Variants in PLEC observed in about 807,000 individuals in gnomAD.
PLEC encodes hemidesmosomal protein 1.
In PLEC, 216 loss-of-function variants were observed where a neutral mutation model predicts 392.8. That is an observed-to-expected ratio of 0.55 (90% CI 0.49 to 0.62). The LOEUF is 0.62. Among genes scored for constraint, PLEC ranks in the 20% least tolerant of loss-of-function variants. PLEC has a pLI of 0.00. For synonymous variants in PLEC, 3,621 were observed against 2,980.6 expected (o/e 1.21, Z -7.00); for missense variants, 6,863 against 6,563.4 (o/e 1.05, Z -1.58).
At chr8:143,945,030 C>T (rs190756849) in intron 1 of PLEC, among the ~76,000 whole-genome samples, 23 of 152,136 alleles carry the variant, frequency 1.5e-4, no homozygotes, top group African/African-American at 4.3e-4. Context: ...TGCGGGCTCA[C>T]GTCCCTGCAG....
chr8:143,920,217 C>T lies in PLEC; in HGVS notation c.9604G>A (p.Asp3202Asn), dbSNP rs782598101. The change falls in exon 32 of 32, where the codon GAC becomes AAC. Residue 3202 changes from aspartate to asparagine, a missense_variant. Asp to Asn is a conservative substitution (Grantham distance 23). Transcript: ENST00000345136. ...AGCAGGCTCAGCCCGGTCAGCTGGT[C>T]GGGCCGGCACCGCTGCTGGAGCTCG... ...YGELQQRCRP[D>N]QLTGLSLLPL... The T allele has an allele frequency of 6.2e-5, 99 of 1,606,516 alleles. No individual in the cohort carries two copies. The highest frequency in any genetic ancestry group is 2.8e-4 in the Admixed American group (17 of 59,836).
rs202241157 is a variant in PLEC at position 143,920,976 on chromosome 8, G to A, written c.8845C>T (p.Arg2949Trp). The A allele has an allele frequency of 4.3e-4, 700 of 1,613,056 alleles. 1 individual carries two copies. Among genetic ancestry groups the A allele is most frequent in the Non-Finnish European group, 5.7e-4 (678 of 1,180,014 alleles). ...TTGATGATCTTCTCCACTGTGATCC[G>A]GCCCGTGCGGAACTGCCGCAGCAGG... is the stretch of plus-strand genomic sequence containing the variant. ...RDLLRQFRTGRITVEKIIKII... is the reference protein window; with the variant it reads ...RDLLRQFRTGWITVEKIIKII... Residue 2949 changes from arginine to tryptophan, a missense_variant, in exon 32 of 32, where the codon CGG becomes TGG. By Grantham distance (101) the Arg-to-Trp change is moderately radical (BLOSUM62 -3). Coordinates refer to ENST00000345136, the MANE Select transcript of PLEC (RefSeq NM_201384.3).
chr8:143,952,762 A>AC (rs147218108), upstream of PLEC, among the ~76,000 whole-genome samples: 998 of 151,480 alleles, frequency 6.6e-3, 9 homozygotes, highest in African/African-American at 0.023. Context: ...GCCAGGACTG[A>AC]CCCCCGCTGG....
At position 143,919,640 on chromosome 8, in the gene PLEC, G is replaced by T; in HGVS notation, c.10181C>A (p.Ala3394Asp). The T allele has an allele frequency of 6.3e-7, 1 of 1,584,900 alleles. No homozygotes were observed. ...TAALLLEAQA[A>D]TGFLVDPVRN... ...CACGGGGTCCACCAGGAAGCCAGTG[G>T]CCGCCTGCGCCTCCAGCAGGAGCGC... Residue 3394 changes from alanine to aspartate, a missense_variant, in exon 32 of 32, where the codon GCC (alanine) becomes GAC (aspartate). Transcript: ENST00000345136.
chr8:143,925,497 G>T lies in PLEC; in HGVS notation c.4432C>A (p.Leu1478Met). The change falls in exon 31 of 32, where the codon CTG becomes ATG. Residue 1478 changes from leucine (L) to methionine (M), a missense_variant. Physicochemically the swap from Leu to Met is conservative, Grantham distance 15 (BLOSUM62 2). Transcript: ENST00000345136. The stretch of plus-strand genomic sequence containing the variant: ...TCAGCCTCCTCCGCCCGTGCACGCA[G>T]TGCCTGCAGCTCCCCCTCAGCCCCG... Reference protein sequence around the residue: ...RGGAEGELQALRARAEEAEAQ... With the variant: ...RGGAEGELQAMRARAEEAEAQ... The T allele has an allele frequency of 6.3e-7, 1 of 1,596,024 alleles. No homozygotes were observed. Among genetic ancestry groups the T allele is most frequent in the South Asian group, 1.1e-5 (1 of 90,884 alleles).
rs572992024 is a variant in PLEC, at chr8:143,961,352, C to A, written c.70+12051G>T. ...GTGATTCTCCTGCCTCAGCCTCCTG[C>A]GTAGCGGGGATTACAGGCGTGCACC... is the stretch of plus-strand genomic sequence containing the variant. On this transcript the variant is annotated intron_variant, in intron 1 of 31. Coordinates refer to the PLEC transcript ENST00000356346. Among the ~76,000 whole-genome samples the A allele has an allele frequency of 7.0e-4, 106 of 152,004 alleles. 1 individual carries two copies. The highest frequency in any genetic ancestry group is 1.0e-3 in the Non-Finnish European group (69 of 67,970).
chr8:143,973,476 G>C lies in PLEC; in HGVS notation c.-4C>G. On this transcript the variant is annotated 5_prime_UTR_variant, in exon 1 of 32. Transcript: ENST00000356346. The surrounding 1 kb of genome is among the most constrained non-coding windows in gnomAD (Gnocchi z 5.6). ...CGTCGGGCAGCGGGCCGGCCATGCC[G>C]GCGGGCGCGGGGCGCGGGGTGCAGC... The C allele has an allele frequency of 6.6e-7, 1 of 1,508,138 alleles. No homozygotes were observed. Among genetic ancestry groups the C allele is most frequent in the Non-Finnish European group, 8.9e-7 (1 of 1,127,700 alleles). The allele number at this position is 1,508,138 out of a possible 1,614,324, so 93.4% of individuals were successfully genotyped here. A position where few individuals can be genotyped will look rare whatever the true frequency, so the allele number is the denominator to read the frequency against.
rs1827197703 is a variant in PLEC at position 143,931,390 on chromosome 8, C to T, written c.2304+144G>A. ...AGCCCAGAACATCCTGCCTCATTCC[C>T]GCTTCGGCTGACCTCTACACCTCCC... is the stretch of plus-strand genomic sequence containing the variant. On this transcript the variant is annotated intron_variant, in intron 19 of 31. Coordinates refer to ENST00000345136, the MANE Select transcript of PLEC (RefSeq NM_201384.3). 7 of 712,230 alleles carry T rather than the reference C, an allele frequency of 9.8e-6. 2 individuals carry two copies. The highest frequency in any genetic ancestry group is 3.4e-5 in the African/African-American group (2 of 58,276). 44.1% of individuals were successfully genotyped at this position (712,230 alleles called of 1,614,324 possible).
At position 143,924,552 on chromosome 8, in the gene PLEC, C is replaced by T; in HGVS notation, c.5377G>A (p.Ala1793Thr). The T allele has an allele frequency of 1.3e-6, 2 of 1,544,428 alleles. No homozygotes were observed. Among genetic ancestry groups the T allele is most frequent in the Admixed American group, 1.9e-5 (1 of 52,802 alleles). Residue 1793 changes from alanine (A) to threonine (T), a missense_variant, in exon 31 of 32, where the codon GCC becomes ACC. By Grantham distance (58) the Ala-to-Thr change is moderately conservative (BLOSUM62 0). Transcript: ENST00000345136. ...EKSKQRLEAE[A>T]GRFRELAEEA... ...TCGGCCAGCTCGCGGAACCGGCCGG[C>T]CTCGGCCTCCAGCCTCTGCTTGGAC...
rs782158467 is a variant in PLEC at position 143,929,743 on chromosome 8, G to A, written c.2826C>T (p.Asp942=). 170 of 1,599,516 alleles carry A rather than the reference G, an allele frequency of 1.1e-4. No homozygotes were observed. The highest frequency in any genetic ancestry group is 2.2e-4 in the South Asian group (20 of 90,832). The change falls in exon 23 of 32, where the codon GAC becomes GAT. Residue 942 remains aspartate, a synonymous_variant. Coordinates refer to ENST00000345136, the MANE Select transcript of PLEC (RefSeq NM_201384.3). ...HYQAFLRDSQ[D]AGGFGPEDRL... is the part of the protein sequence containing the mutation. ...GGTCCTCGGGTCCGAAGCCGCCCGC[G>A]TCCTGGCTGTCCCGCAGGAAGGCCT... is the stretch of plus-strand genomic sequence containing the variant.
chr8:143,939,146 C>T (rs1473930292), intron 1 of PLEC, among the ~76,000 whole-genome samples: 3 of 152,212 alleles, frequency 2.0e-5, no homozygotes, highest in Admixed American at 6.5e-5. Context: ...CTTCCAGGCC[C>T]GACATCTGAC....
In PLEC at chr8:143,915,162, A is replaced by T. The variant is rs1192563893; in HGVS notation, c.*1015T>A. ...AGGCCGGAGGCACGGGAAGGTTGGA[A>T]TTGCTTTTATTGGGGGCGGATACCG... On this transcript the variant is annotated 3_prime_UTR_variant, in exon 32 of 32. Coordinates refer to ENST00000345136, the MANE Select transcript of PLEC (RefSeq NM_201384.3). 1 of 152,666 alleles carries T rather than the reference A, an allele frequency of 6.6e-6. No homozygotes were observed. The highest frequency in any genetic ancestry group is 1.5e-5 in the Non-Finnish European group (1 of 68,050). 9.5% of individuals were successfully genotyped at this position (152,666 alleles called of 1,614,324 possible).
chr8:143,973,377 A>ACAGG lies in PLEC; in HGVS notation c.70+22_70+25dup. 6.4e-7 allele frequency: 1 copy of ACAGG among 1,557,420 alleles called. No homozygotes were observed. Among genetic ancestry groups the ACAGG allele is most frequent in the Non-Finnish European group, 8.7e-7 (1 of 1,151,726 alleles). On this transcript the variant is annotated intron_variant, in intron 1 of 31. Coordinates refer to the PLEC transcript ENST00000356346. The surrounding 1 kb of genome is among the most constrained non-coding windows in gnomAD (Gnocchi z 5.6). Reference sequence around the variant, plus strand: ...CGGCTGGGCTGTCAGGAGCGGCCCGACAGGCAGCGGGACGGGGGGCCGTAC... The same window carrying ACAGG: ...CGGCTGGGCTGTCAGGAGCGGCCCGACAGGCAGGCAGCGGGACGGGGGGCCGTAC...
chr8:143,927,051 C>T lies in PLEC; in HGVS notation c.3871G>A (p.Ala1291Thr), dbSNP rs782708805. 6.8e-6 allele frequency: 11 copies of T among 1,612,034 alleles called. No homozygotes were observed. The South Asian group carries it at 1.1e-4, about 16-fold the overall frequency. ...DYELQLVTYK[A>T]QLEPVASPAK... ...GGGGAGGCCACCGGCTCAAGCTGCG[C>T]CTTGTACGTCACCAGCTGGAGTTCA... is the stretch of plus-strand genomic sequence containing the variant. Residue 1291 changes from alanine (A) to threonine (T), a missense_variant, in exon 29 of 32, where the codon GCG (alanine) becomes ACG (threonine). Coordinates refer to ENST00000345136, the MANE Select transcript of PLEC (RefSeq NM_201384.3).
chr8:143,923,130 G>A lies in PLEC; in HGVS notation c.6799C>T (p.Gln2267Ter). 6.2e-7 allele frequency: 1 copy of A among 1,603,860 alleles called. No individual in the cohort carries two copies. Among genetic ancestry groups the A allele is most frequent in the Non-Finnish European group, 8.5e-7 (1 of 1,179,852 alleles). The change falls in exon 31 of 32, where the codon CAG becomes TAG. Residue 2267 changes from glutamine to a stop codon, truncating the protein, a stop_gained. Coordinates refer to ENST00000345136, the MANE Select transcript of PLEC (RefSeq NM_201384.3). LOFTEE classifies it high-confidence loss of function. The part of the protein sequence containing the change: ...RDKDNTQRFL[Q>*]EEAEKMKQVA... ...TGCTTCATCTTCTCAGCCTCCTCCT[G>A]CAGGAAGCGCTGCGTATTGTCCTTG... is the stretch of plus-strand genomic sequence containing the variant.
At chr8:143,974,158 G>A (rs782401303), upstream of PLEC, among the ~76,000 whole-genome samples, 1 of 152,176 alleles carries the variant, frequency 6.6e-6, no homozygotes, top group Non-Finnish European at 1.5e-5. The surrounding 1 kb of genome is among the most constrained non-coding windows in gnomAD (Gnocchi z 5.9). Context: ...TGCAAGTCCC[G>A]CTTCCAGGAA....
rs1293739832 is a variant in PLEC at position 143,920,086 on chromosome 8, G to T, written c.9735C>A (p.Gly3245=). The T allele has an allele frequency of 6.2e-7, 1 of 1,613,194 alleles. No individual in the cohort carries two copies. Residue 3245 remains glycine, a synonymous_variant, in exon 32 of 32, where the codon GGC becomes GGA. Transcript: ENST00000345136. ...EKTPVEVPVG[G]FKGRTVTVWE... is the part of the protein sequence containing the mutation. ...ACACCGTCACCGTCCTGCCCTTGAA[G>T]CCACCCACGGGGACCTCAACCGGGG...
rs550814345 is a variant in PLEC, at chr8:143,963,966, C to G, written c.70+9437G>C. Reference sequence around the variant, plus strand: ...TAGCTGGGATTATTGGTGTGTACTACCATGACTGGCTGATTTTTGTATTTT... The same window carrying G: ...TAGCTGGGATTATTGGTGTGTACTAGCATGACTGGCTGATTTTTGTATTTT... On this transcript the variant is annotated intron_variant, in intron 1 of 31. Transcript: ENST00000356346. Among the ~76,000 whole-genome samples the G allele has an allele frequency of 2.0e-5, 3 of 152,154 alleles. No homozygotes were observed. In the South Asian group the frequency reaches 6.2e-4, roughly 32 times the overall value.
rs1554686537 is a variant in PLEC, at chr8:143,921,626, G to A, written c.8195C>T (p.Ala2732Val). Residue 2732 changes from alanine (A) to valine (V), a missense_variant, in exon 32 of 32, where the codon GCG (alanine) becomes GTG (valine). Transcript: ENST00000345136. ...CAGCAGGAAGCCTGAGGCCGCCTGC[G>A]CCTCCAGCAGGATGAGGGCCGTGCC... is the stretch of plus-strand genomic sequence containing the variant. ...SPGTALILLE[A>V]QAASGFLLDP... is the part of the protein sequence containing the mutation. 3.1e-6 allele frequency: 5 copies of A among 1,612,860 alleles called. No individual in the cohort carries two copies. The highest frequency in any genetic ancestry group is 3.3e-5 in the Admixed American group (2 of 59,986).
Sources: allele counts gnomAD v4.1 joint callset (sites outside exome capture counted in the v4.1 genomes callset), GRCh38; gene constraint gnomAD v4.1.1; non-coding constraint Gnocchi (gnomAD v3.1); transcripts MANE v1.5; gene names NCBI Gene and HGNC (gene_info 2026-07-23, HGNC 2026-07-21).